Variants in FAT3 observed in about 807,000 individuals in gnomAD.
The protein encoded by FAT3 is protocadherin Fat 3.
In FAT3, 95 loss-of-function variants were observed where a neutral mutation model predicts 310.2. That is an observed-to-expected ratio of 0.31 (90% CI 0.26 to 0.36). FAT3 has a LOEUF of 0.36. Among genes scored for constraint, FAT3 ranks in the 10% least tolerant of loss-of-function variants. FAT3 has a pLI of 1.00. For synonymous variants in FAT3, 2,314 were observed against 2,192.9 expected (o/e 1.06, Z -1.54); for missense variants, 5,408 against 5,715.6 (o/e 0.95, Z 1.74).
At chr11:92,673,913 G>A (rs1003313361) in intron 3 of FAT3, among the ~76,000 whole-genome samples, 1 of 152,034 alleles carries the variant, frequency 6.6e-6, no homozygotes, top group African/African-American at 2.4e-5. Context: ...AGGTATGGTG[G>A]TTCATGCCTA....
At chr11:92,822,836 A>G (rs748957284) in intron 13 of FAT3, among the ~76,000 whole-genome samples, 1 of 152,220 alleles carries the variant, frequency 6.6e-6, no homozygotes, top group African/African-American at 2.4e-5. Context: ...TAGGGATTTA[A>G]CAATGCTGAA....
intron 10 of FAT3, among the ~76,000 whole-genome samples, chr11:92,803,872 T>C (rs1416164321): frequency 6.6e-6 from 1 of 152,226 alleles, no homozygotes; most frequent in Non-Finnish European, 1.5e-5. Context: ...CTGGCTGATT[T>C]GGTTTCATTG....
chr11:92,355,509 G>A (rs1014619121), intron 2 of FAT3, 105 bp downstream of exon 2: 2 of 1,133,558 alleles, frequency 1.8e-6, no homozygotes, highest in African/African-American at 3.1e-5. Context: ...TGACAAATGA[G>A]GTTGCATTTG....
At chr11:92,747,833 T>A (rs1285297549) in intron 4 of FAT3, among the ~76,000 whole-genome samples, 1 of 152,172 alleles carries the variant, frequency 6.6e-6, no homozygotes, top group African/African-American at 2.4e-5. Context: ...GTCCCTCATC[T>A]CCATCTGAGA....
At chr11:92,666,875 A>G (rs1942971490) in intron 3 of FAT3, among the ~76,000 whole-genome samples, 2 of 152,100 alleles carry the variant, frequency 1.3e-5, no homozygotes, top group Admixed American at 6.5e-5. Flanking sequence ...CTGAGCACAC[A>G]TCCCATCTCC....
chr11:92,377,097 G>T, intron 2 of FAT3, among the ~76,000 whole-genome samples: 1 of 152,146 alleles, frequency 6.6e-6, no homozygotes, highest in East Asian at 1.9e-4. Flanking sequence ...CAGTCTGTAC[G>T]TGTAAGACTA....
At chr11:92,509,452 T>C (rs1953218692) in intron 2 of FAT3, among the ~76,000 whole-genome samples, 2 of 152,172 alleles carry the variant, frequency 1.3e-5, no homozygotes, top group Admixed American at 6.5e-5. Flanking sequence ...ACCTAATAAG[T>C]GACCTAGCAA....
chr11:92,694,483 C>T (rs745870490), intron 3 of FAT3, among the ~76,000 whole-genome samples: 2 of 152,142 alleles, frequency 1.3e-5, no homozygotes, highest in Non-Finnish European at 2.9e-5. Flanking sequence ...GAAACACATC[C>T]AGGTGAAGGT....
chr11:92,834,678 A>G (rs534520992), intron 14 of FAT3, among the ~76,000 whole-genome samples, 192 bp from the exon 15 acceptor site: 1 of 152,328 alleles, frequency 6.6e-6, no homozygotes, highest in Admixed American at 6.5e-5. Flanking sequence ...GTTATGTTTG[A>G]TGGATAGCTA....
At chr11:92,402,446 C>T (rs527304300) in intron 2 of FAT3, among the ~76,000 whole-genome samples, 3 of 151,962 alleles carry the variant, frequency 2.0e-5, no homozygotes, top group South Asian at 4.1e-4. Context: ...CAAGAATTCT[C>T]GGTCTGGGTG....
intron 24 of FAT3, among the ~76,000 whole-genome samples, chr11:92,885,245 T>A (rs190996029): frequency 8.1e-4 from 124 of 152,252 alleles, no homozygotes; most frequent in Admixed American, 3.3e-3. Context: ...CTGCTGTGTG[T>A]TGCATCATCT....
At chr11:92,652,621 G>A (rs12273565) in intron 3 of FAT3, among the ~76,000 whole-genome samples, 1 of 152,168 alleles carries the variant, frequency 6.6e-6, no homozygotes, top group Non-Finnish European at 1.5e-5. Context: ...TCTTCCCATG[G>A]ATATTTCCCT....
chr11:92,229,967 A>G (rs896180813), intron 1 of FAT3, among the ~76,000 whole-genome samples: 2 of 152,048 alleles, frequency 1.3e-5, no homozygotes, highest in African/African-American at 4.8e-5. Flanking sequence ...TGGAGAGCCT[A>G]GAGGAGGTGT....
At chr11:92,364,067 G>T (rs1948952198) in intron 2 of FAT3, among the ~76,000 whole-genome samples, 1 of 152,000 alleles carries the variant, frequency 6.6e-6, no homozygotes, top group Non-Finnish European at 1.5e-5. Flanking sequence ...TTGTGTATCA[G>T]GCTTGAGCTG....
chr11:92,746,665 C>G (rs1177324846), intron 4 of FAT3, among the ~76,000 whole-genome samples: 1 of 152,222 alleles, frequency 6.6e-6, no homozygotes, highest in Non-Finnish European at 1.5e-5. Flanking sequence ...CAAGTCCCTT[C>G]ACCTATGAGC....
At chr11:92,340,111 C>CAAAA (rs56378818) in intron 1 of FAT3, among the ~76,000 whole-genome samples, 15 of 49,112 alleles carry the variant, frequency 3.1e-4, no homozygotes, top group Non-Finnish European at 3.9e-4. Context: ...GACTCCATCT[C>CAAAA]AAAAAAAAAA....
rs139069553 is a variant in FAT3, at chr11:92,720,188, A to G, written c.3669+22743A>G. Reference sequence around the variant, plus strand: ...TAGAGTAAGAGGTTGATTTTCATCTATATTTTCTCCTTAACATAGTGCCTA... The same window carrying G: ...TAGAGTAAGAGGTTGATTTTCATCTGTATTTTCTCCTTAACATAGTGCCTA... On this transcript the variant is annotated intron_variant, in intron 4 of 27. Coordinates refer to ENST00000525166, the MANE Select transcript of FAT3 (RefSeq NM_001367949.2). 1.6e-4 allele frequency among the ~76,000 whole-genome samples: 25 copies of G among 152,290 alleles called. 2 individuals are homozygous for G. In the East Asian group the frequency reaches 4.6e-3, roughly 28 times the overall value.
chr11:92,879,116 G>A (rs35709256), intron 22 of FAT3, among the ~76,000 whole-genome samples: 12,612 of 152,034 alleles, frequency 0.083, 681 homozygotes, highest in East Asian at 0.13. Flanking sequence ...TTTCTCAAAA[G>A]CGACATGGAG....
rs372971625 is a variant in FAT3 at position 92,858,921 on chromosome 11, G to C, written c.11501-244G>C. Among the ~76,000 whole-genome samples the C allele has an allele frequency of 5.3e-5, 8 of 152,254 alleles. No homozygotes were observed. The South Asian group carries it at 1.5e-3, about 28-fold the overall frequency. The stretch of plus-strand genomic sequence containing the variant: ...TTGTGGAATTTACCAAGTGGCTCTT[G>C]GCATGAGGCAAATAAGATGATTTGG... On this transcript the variant is annotated intron_variant, in intron 20 of 27. Coordinates refer to ENST00000525166, the MANE Select transcript of FAT3 (RefSeq NM_001367949.2).
Sources: allele counts gnomAD v4.1 joint callset (sites outside exome capture counted in the v4.1 genomes callset), GRCh38; gene constraint gnomAD v4.1.1; transcripts MANE v1.5; gene names NCBI Gene and HGNC (gene_info 2026-07-23, HGNC 2026-07-21).